Variants in KCNJ6 observed in about 807,000 individuals in gnomAD.
KCNJ6 encodes the protein potassium inwardly rectifying channel subfamily J member 6.
KCNJ6 carries 9 observed loss-of-function variants against 34.2 expected under a neutral mutation model. The observed-to-expected ratio is 0.26, with a 90% CI of 0.16 to 0.46. The LOEUF is 0.46. Among genes scored for constraint, KCNJ6 ranks in the 20% least tolerant of loss-of-function variants. The pLI, the probability that KCNJ6 is intolerant of heterozygous loss-of-function variation, is 1.00. For missense variants in KCNJ6, 236 were observed against 531.3 expected, an observed-to-expected ratio of 0.44 and a Z score of 5.46; for synonymous variants, 196 against 207.1, an observed-to-expected ratio of 0.95 and a Z score of 0.46.
rs2123440119 is a variant in KCNJ6, at chr21:37,704,029, G to A, written c.946+10182C>T. On this transcript the variant is annotated intron_variant, in intron 3 of 3. Transcript: ENST00000609713. ...CAAGCTGCCTTCCCTTTCATTTGTA[G>A]TCATGACCCATCTGTTGTTGGCTTA... Among the ~76,000 whole-genome samples, 3 of 152,344 alleles carry A rather than the reference G, an allele frequency of 2.0e-5. No homozygotes were observed. In the Middle Eastern group the frequency reaches 0.01, roughly 518 times the overall value.
At chr21:37,793,358 C>A (rs182339336) in intron 2 of KCNJ6, among the ~76,000 whole-genome samples, 358 of 152,234 alleles carry the variant, frequency 2.4e-3, no homozygotes, top group Non-Finnish European at 2.0e-3. Context: ...CACCTCTCTC[C>A]CCCAAAACCC....
chr21:37,703,506 T>A (rs985572694), intron 3 of KCNJ6, among the ~76,000 whole-genome samples: 1 of 152,170 alleles, frequency 6.6e-6, no homozygotes, highest in Admixed American at 6.5e-5. Flanking sequence ...AAAGTAGAAA[T>A]CAAGAGTTTG....
chr21:37,642,402 A>T (rs1325750769), intron 3 of KCNJ6, among the ~76,000 whole-genome samples: 1 of 152,198 alleles, frequency 6.6e-6, no homozygotes, highest in African/African-American at 2.4e-5. Context: ...TGAGGAGGAT[A>T]TTTCAGGAAG....
At position 37,753,023 on chromosome 21, in the gene KCNJ6, G is replaced by T. The variant is rs74538463; in HGVS notation, c.26-37892C>A. 4.2e-3 allele frequency among the ~76,000 whole-genome samples: 640 copies of T among 152,300 alleles called. 4 individuals carry two copies. The highest frequency in any genetic ancestry group is 0.014 in the African/African-American group (572 of 41,566). ...CTGCCAAGAGTAAGAAGTGAAGAGG[G>T]CAAGGTGGGCTGGGCAGGGAACACA... On this transcript the variant is annotated intron_variant, in intron 2 of 3. Transcript: ENST00000609713.
chr21:37,760,543 G>C (rs912166178), intron 2 of KCNJ6, among the ~76,000 whole-genome samples: 1 of 152,228 alleles, frequency 6.6e-6, no homozygotes, highest in Non-Finnish European at 1.5e-5. Context: ...AACAGCGTGA[G>C]GCTTCTGACA....
intron 2 of KCNJ6, among the ~76,000 whole-genome samples, chr21:37,731,086 A>AG (rs1204515774): frequency 2.9e-5 from 3 of 104,218 alleles, no homozygotes; most frequent in African/African-American, 1.1e-4. Flanking sequence ...CTGCCATTGC[A>AG]GATAGATGAG....
chr21:37,894,193 G>T (rs1013077872), intron 1 of KCNJ6, among the ~76,000 whole-genome samples: 2 of 152,194 alleles, frequency 1.3e-5, no homozygotes, highest in African/African-American at 4.8e-5. Flanking sequence ...AAGTCACTTA[G>T]CAGATATGTG....
At chr21:37,706,973 G>A (rs2054723136) in intron 3 of KCNJ6, among the ~76,000 whole-genome samples, 1 of 152,220 alleles carries the variant, frequency 6.6e-6, no homozygotes, top group Non-Finnish European at 1.5e-5. Flanking sequence ...AGACCTGGGA[G>A]TAATCTACAT....
intron 2 of KCNJ6, among the ~76,000 whole-genome samples, chr21:37,781,367 G>A (rs1024957754): frequency 9.8e-5 from 15 of 152,296 alleles, no homozygotes; most frequent in Middle Eastern, 3.4e-3. Flanking sequence ...TGTTCTCAGA[G>A]CCTGGCAGTG....
chr21:37,667,154 T>TTAAAAAAA (rs2054517812), intron 3 of KCNJ6, among the ~76,000 whole-genome samples: 1 of 39,068 alleles, frequency 2.6e-5, no homozygotes, highest in African/African-American at 1.1e-4. Context: ...CAATAAATAC[T>TTAAAAAAA]AAAAAAAAAA....
chr21:37,785,860 A>T (rs948159764), intron 2 of KCNJ6, among the ~76,000 whole-genome samples: 1 of 152,240 alleles, frequency 6.6e-6, no homozygotes, highest in Admixed American at 6.5e-5. Context: ...TAGTGCCTTT[A>T]TAAGATAGGC....
At chr21:37,649,841 C>T (rs911143770) in intron 3 of KCNJ6, among the ~76,000 whole-genome samples, 12 of 152,330 alleles carry the variant, frequency 7.9e-5, no homozygotes, top group Non-Finnish European at 1.5e-4. Flanking sequence ...CAAACTCCGC[C>T]TCCCAGGTTC....
Position 37,640,331 on chromosome 21 carries a change from G to T in KCNJ6, c.947-14847C>A, listed in dbSNP as rs189524995. On this transcript the variant is annotated intron_variant, in intron 3 of 3. Coordinates refer to ENST00000609713, the MANE Select transcript of KCNJ6 (RefSeq NM_002240.5). The stretch of plus-strand genomic sequence containing the variant: ...TGGAATGGCTGTGGGACCTAGGACA[G>T]GCTACTTCACCTCTCTCACTTCCTC... Among the ~76,000 whole-genome samples, 19 of 152,314 alleles carry T rather than the reference G, an allele frequency of 1.2e-4. No homozygotes were observed. The East Asian group carries it at 3.7e-3, about 29-fold the overall frequency.
At chr21:37,651,734 G>A (rs2054434566) in intron 3 of KCNJ6, among the ~76,000 whole-genome samples, 2 of 152,216 alleles carry the variant, frequency 1.3e-5, no homozygotes, top group Admixed American at 1.3e-4. Flanking sequence ...GGATTGAGAA[G>A]GAGTGTGTGA....
intron 1 of KCNJ6, among the ~76,000 whole-genome samples, chr21:37,871,989 C>A (rs1424188325): frequency 6.6e-6 from 1 of 151,944 alleles, no homozygotes; most frequent in African/African-American, 2.4e-5. Flanking sequence ...AAATGAGAAG[C>A]AAATTTCCCA....
chr21:37,732,590 G>C (rs2054891484), intron 2 of KCNJ6, among the ~76,000 whole-genome samples: 2 of 152,248 alleles, frequency 1.3e-5, no homozygotes, highest in Admixed American at 6.5e-5. Flanking sequence ...TCAATTTTCT[G>C]GGGCAAGACC....
intron 3 of KCNJ6, among the ~76,000 whole-genome samples, chr21:37,674,096 T>C (rs1287006779): frequency 1.3e-5 from 2 of 152,206 alleles, no homozygotes; most frequent in African/African-American, 4.8e-5. Flanking sequence ...TTCAGATCCC[T>C]GAAATATGCC....
At chr21:37,784,381 C>T (rs994974598) in intron 2 of KCNJ6, among the ~76,000 whole-genome samples, 7 of 152,202 alleles carry the variant, frequency 4.6e-5, no homozygotes, top group East Asian at 3.9e-4. Context: ...TCAGCCAGAC[C>T]GAGCCTTCTG....
chr21:37,840,351 T>G (rs926162874), intron 2 of KCNJ6, among the ~76,000 whole-genome samples: 2 of 152,204 alleles, frequency 1.3e-5, no homozygotes, highest in African/African-American at 4.8e-5. Context: ...CTAAACCTCC[T>G]AAAAGTCAGG....
Sources: allele counts gnomAD v4.1 joint callset (sites outside exome capture counted in the v4.1 genomes callset), GRCh38; gene constraint gnomAD v4.1.1; transcripts MANE v1.5; gene names NCBI Gene and HGNC (gene_info 2026-07-23, HGNC 2026-07-21).